The following PXT1 variants were observed in gnomAD, a reference collection of about 807,000 sequenced individuals.
The protein encoded by PXT1 is peroxisomal testis enriched protein 1.
Under a neutral mutation model 11.0 loss-of-function variants are expected in PXT1, and 11 were observed. The ratio of observed to expected loss-of-function variants is 1.00; its 90% confidence interval spans 0.63 to 1.66. The LOEUF is 1.66. Ranked by LOEUF, PXT1 falls within the 40% of genes most tolerant of loss-of-function variation. The pLI is 0.00. For synonymous variants in PXT1, 43 were observed against 51.4 expected, an observed-to-expected ratio of 0.84 and a Z score of 0.70; for missense variants, 141 against 155.5, an observed-to-expected ratio of 0.91 and a Z score of 0.49.
At chr6:36,436,962 A>G (rs1370127664) in intron 2 of PXT1, among the ~76,000 whole-genome samples, 2 of 152,066 alleles carry the variant, frequency 1.3e-5, no homozygotes, top group African/African-American at 4.8e-5. Context: ...TTGGGGTGCA[A>G]TTGTACAGTT....
At chr6:36,400,185 CTG>C (rs1296573884) in intron 4 of PXT1, among the ~76,000 whole-genome samples, 2 of 152,198 alleles carry the variant, frequency 1.3e-5, no homozygotes, top group Non-Finnish European at 2.9e-5. Context: ...GCTGGTCTGA[CTG>C]TGTGGGCTGG....
chr6:36,439,644 G>A (rs1774826127), intron 1 of PXT1, among the ~76,000 whole-genome samples: 1 of 102,808 alleles, frequency 9.7e-6, no homozygotes, highest in Admixed American at 1.0e-4. Context: ...ATATAAGGCT[G>A]AAAAAAAAAA....
intron 3 of PXT1, among the ~76,000 whole-genome samples, chr6:36,423,787 A>G (rs1447409746): frequency 6.6e-6 from 1 of 152,134 alleles, no homozygotes; most frequent in Non-Finnish European, 1.5e-5. Context: ...GGGAGACAGC[A>G]CTTTATTGGA....
chr6:36,402,270 A>G (rs1774225205), intron 3 of PXT1, among the ~76,000 whole-genome samples: 1 of 152,236 alleles, frequency 6.6e-6, no homozygotes, highest in Non-Finnish European at 1.5e-5. Context: ...TCTGTCCTTC[A>G]GTCACTTAGA....
intron 3 of PXT1, among the ~76,000 whole-genome samples, chr6:36,417,591 C>CAAAAAAAAAAA (rs70975157): frequency 2.0e-5 from 2 of 99,542 alleles, no homozygotes; most frequent in Admixed American, 1.2e-4. Context: ...TTCGTCTCTA[C>CAAAAAAAAAAA]AAAAAAAAAA....
At chr6:36,401,922 T>C (rs1774220396) in intron 3 of PXT1, among the ~76,000 whole-genome samples, 1 of 148,450 alleles carries the variant, frequency 6.7e-6, no homozygotes, top group Non-Finnish European at 1.5e-5. Context: ...AAATCTATTT[T>C]GAATAACTAT....
chr6:36,414,774 G>C (rs1774425657), intron 3 of PXT1, among the ~76,000 whole-genome samples: 1 of 152,226 alleles, frequency 6.6e-6, no homozygotes, highest in Non-Finnish European at 1.5e-5. Context: ...TCTGCTGCCA[G>C]ATTGGAAAAT....
chr6:36,409,879 AAGGAAGGAAGGAAGG>A (rs1458098455), intron 3 of PXT1, among the ~76,000 whole-genome samples: 6 of 145,478 alleles, frequency 4.1e-5, no homozygotes, highest in Non-Finnish European at 9.3e-5. Context: ...AAAAGAAAAG[AAGGAAGGAAGGAAGG>A]AAAGAAGGAA....
intron 3 of PXT1, among the ~76,000 whole-genome samples, chr6:36,417,685 T>C (rs1224092137): frequency 6.8e-6 from 1 of 146,848 alleles, no homozygotes; most frequent in Non-Finnish European, 1.5e-5. Context: ...GGAGGATCGC[T>C]TGAGCCCAGG....
chr6:36,419,676 A>G (rs750217615), intron 3 of PXT1, among the ~76,000 whole-genome samples: 2 of 152,218 alleles, frequency 1.3e-5, no homozygotes, highest in Non-Finnish European at 2.9e-5. Context: ...TTTGTTGATT[A>G]GGTTAGGGTT....
intron 3 of PXT1, among the ~76,000 whole-genome samples, chr6:36,410,374 C>T (rs1365720747): frequency 4.6e-5 from 7 of 150,906 alleles, no homozygotes; most frequent in African/African-American, 1.7e-4. Context: ...CGCTTGAATC[C>T]GGGAGGCGGA....
intron 3 of PXT1, among the ~76,000 whole-genome samples, chr6:36,411,637 T>A (rs971134478): frequency 6.6e-6 from 1 of 152,056 alleles, no homozygotes; most frequent in Non-Finnish European, 1.5e-5. Flanking sequence ...ATCCAGTGTA[T>A]CTTTCACTAA....
At chr6:36,412,871 A>G (rs1329304735) in intron 3 of PXT1, among the ~76,000 whole-genome samples, 1 of 152,110 alleles carries the variant, frequency 6.6e-6, no homozygotes, top group African/African-American at 2.4e-5. Context: ...TATGATCGCC[A>G]AAATTAAAAA....
chr6:36,435,905 A>G (rs1774755637), intron 2 of PXT1, among the ~76,000 whole-genome samples: 1 of 152,156 alleles, frequency 6.6e-6, no homozygotes, highest in African/African-American at 2.4e-5. Flanking sequence ...ATCTCAAAAA[A>G]TTAACCTCCC....
chr6:36,426,696 A>G (rs1774613185), intron 2 of PXT1, among the ~76,000 whole-genome samples: 1 of 152,084 alleles, frequency 6.6e-6, no homozygotes, highest in Non-Finnish European at 1.5e-5. Context: ...GCCACATTCC[A>G]TCAGGGGAAG....
In PXT1 at chr6:36,403,326, C is replaced by T. The variant is rs540495498; in HGVS notation, c.170-2742G>A. Among the ~76,000 whole-genome samples, 5 of 152,260 alleles carry T rather than the reference C, an allele frequency of 3.3e-5. No individual in the cohort carries two copies. The East Asian group carries it at 7.7e-4, about 24-fold the overall frequency. On this transcript the variant is annotated intron_variant, in intron 3 of 4. Transcript: ENST00000454782. The stretch of plus-strand genomic sequence containing the variant: ...AAAGCCCATGCAATTAACCTTAGCA[C>T]GGACCCTGAACTAAAGCAGTACTAA...
In PXT1 at chr6:36,422,697, T is replaced by C. The variant is rs1774539620; in HGVS notation, c.169+3217A>G. On this transcript the variant is annotated intron_variant, in intron 3 of 4. Coordinates refer to ENST00000454782, the MANE Select transcript of PXT1 (RefSeq NM_152990.4). The stretch of plus-strand genomic sequence containing the variant: ...TAGAGGAGGAAGGGTTGGTGAGCCA[T>C]CGAGGCAAAAAATTAAAAAAAGCAA... Among the ~76,000 whole-genome samples, 3 of 152,078 alleles carry C rather than the reference T, an allele frequency of 2.0e-5. No homozygotes were observed. The South Asian group carries it at 6.2e-4, about 31-fold the overall frequency.
chr6:36,418,175 G>A lies in PXT1; in HGVS notation c.169+7739C>T, dbSNP rs192784441. On this transcript the variant is annotated intron_variant, in intron 3 of 4. Transcript: ENST00000454782. ...CGCACCTCTGCACTCCAGCCTGGGCGACAGAGCGAGACTCCGTCTCAAAAA... is the reference window on the plus strand; with the variant it reads ...CGCACCTCTGCACTCCAGCCTGGGCAACAGAGCGAGACTCCGTCTCAAAAA... 2.9e-3 allele frequency among the ~76,000 whole-genome samples: 443 copies of A among 151,358 alleles called. 2 individuals are homozygous for A. The highest frequency in any genetic ancestry group is 0.01 in the African/African-American group (423 of 41,186).
At chr6:36,425,805 A>ACAAACAAACAAAAAAAAAAATATAT (rs763685304) in intron 3 of PXT1, 109 bp downstream of exon 3, 1 of 321,508 alleles carries the variant, frequency 3.1e-6, no homozygotes, top group African/African-American at 2.3e-5. Context: ...AAAAACAAAA[A>ACAAACAAACAAAAAAAAAAATATAT]ATATATATAT....
Sources: allele counts gnomAD v4.1 joint callset (sites outside exome capture counted in the v4.1 genomes callset), GRCh38; gene constraint gnomAD v4.1.1; transcripts MANE v1.5; gene names NCBI Gene and HGNC (gene_info 2026-07-23, HGNC 2026-07-21).